Variants in GALNTL6 observed in about 807,000 individuals in gnomAD.
GALNTL6 encodes polypeptide N-acetylgalactosaminyltransferase-like 6.
Under a neutral mutation model 73.7 loss-of-function variants are expected in GALNTL6, and 46 were observed. The ratio of observed to expected loss-of-function variants is 0.62; its 90% CI spans 0.49 to 0.80. GALNTL6 has a LOEUF of 0.80. Ranked by LOEUF, GALNTL6 falls within the 30% of genes least tolerant of loss-of-function variation. GALNTL6 has a pLI of 0.00. For missense variants in GALNTL6, 604 were observed against 755.0 expected (o/e 0.80, Z 2.34); for synonymous variants, 259 against 263.7 (o/e 0.98, Z 0.17).
chr4:172,680,800 A>T (rs1732593158), intron 5 of GALNTL6, among the ~76,000 whole-genome samples: 1 of 152,196 alleles, frequency 6.6e-6, no homozygotes, highest in Admixed American at 6.5e-5. Context: ...CAGATATTTT[A>T]TGTCTAGCAT....
chr4:172,679,610 T>C (rs1052136090), intron 5 of GALNTL6, among the ~76,000 whole-genome samples: 1 of 152,202 alleles, frequency 6.6e-6, no homozygotes, highest in Non-Finnish European at 1.5e-5. Flanking sequence ...CTGTCTTAGA[T>C]GCTGACTTGT....
At chr4:172,582,191 G>A (rs533733502) in intron 5 of GALNTL6, among the ~76,000 whole-genome samples, 32 of 152,320 alleles carry the variant, frequency 2.1e-4, no homozygotes, top group Non-Finnish European at 4.4e-4. Flanking sequence ...GGGCTTGACC[G>A]TGGGGGAGCA....
rs1735913329 is a variant in GALNTL6 at position 171,864,223 on chromosome 4, GA to G, written c.138+49507del. On this transcript the variant is annotated intron_variant, in intron 2 of 12. Coordinates refer to ENST00000506823, the MANE Select transcript of GALNTL6 (RefSeq NM_001034845.3). ...TCTTTAAAGGAAATAATTATCTATA[GA>G]ATAACTTCTATGTTTATAACACAGA... 2.0e-5 allele frequency among the ~76,000 whole-genome samples: 3 copies of G among 152,026 alleles called. No homozygotes were observed. The South Asian group carries it at 6.2e-4, about 31-fold the overall frequency.
At chr4:172,038,991 G>T (rs1361952505) in intron 2 of GALNTL6, among the ~76,000 whole-genome samples, 1 of 152,100 alleles carries the variant, frequency 6.6e-6, no homozygotes, top group Non-Finnish European at 1.5e-5. Flanking sequence ...ATGCCACTGG[G>T]CTTGGTTATA....
chr4:172,768,750 T>C (rs747948075), intron 5 of GALNTL6, among the ~76,000 whole-genome samples: 3 of 152,162 alleles, frequency 2.0e-5, no homozygotes, highest in Non-Finnish European at 4.4e-5. Context: ...TCAAATCCAG[T>C]GCCATGGTGG....
intron 5 of GALNTL6, among the ~76,000 whole-genome samples, chr4:172,371,863 T>A (rs889141081): frequency 1.1e-4 from 16 of 152,240 alleles, no homozygotes; most frequent in Non-Finnish European, 2.4e-4. Flanking sequence ...CCTTGGGTTT[T>A]TGCACTGTGC....
At chr4:172,115,755 T>C (rs1051418696) in intron 2 of GALNTL6, among the ~76,000 whole-genome samples, 1 of 152,084 alleles carries the variant, frequency 6.6e-6, no homozygotes. Flanking sequence ...GAAGTAAATA[T>C]CTTAGAACAT....
intron 2 of GALNTL6, among the ~76,000 whole-genome samples, chr4:172,149,094 T>C (rs1369957033): frequency 6.6e-6 from 1 of 152,236 alleles, no homozygotes; most frequent in East Asian, 1.9e-4. Flanking sequence ...AGCATCAGTT[T>C]ATATTATTCT....
At chr4:172,966,312 G>A (rs1750322536) in intron 10 of GALNTL6, among the ~76,000 whole-genome samples, 1 of 152,244 alleles carries the variant, frequency 6.6e-6, no homozygotes, top group Non-Finnish European at 1.5e-5. Context: ...CCACAAGCTG[G>A]TGGACAAGAA....
intron 3 of GALNTL6, among the ~76,000 whole-genome samples, chr4:172,304,882 T>C (rs1431869172): frequency 1.3e-5 from 2 of 152,238 alleles, no homozygotes; most frequent in African/African-American, 2.4e-5. Flanking sequence ...CTTCTTCCAA[T>C]GTGAGCTGAA....
At chr4:172,115,137 CAA>C (rs1416917490) in intron 2 of GALNTL6, among the ~76,000 whole-genome samples, 1 of 152,126 alleles carries the variant, frequency 6.6e-6, no homozygotes, top group Admixed American at 6.6e-5. Context: ...AGGATCAACA[CAA>C]AGTTACCACT....
At chr4:173,019,749 T>C (rs137909015) in intron 11 of GALNTL6, among the ~76,000 whole-genome samples, 168 of 152,336 alleles carry the variant, frequency 1.1e-3, no homozygotes, top group African/African-American at 4.0e-3. Context: ...GCAGTGGCCA[T>C]GATTGAGAAG....
At chr4:172,157,403 T>G (rs188391289) in intron 2 of GALNTL6, among the ~76,000 whole-genome samples, 1 of 152,336 alleles carries the variant, frequency 6.6e-6, no homozygotes, top group African/African-American at 2.4e-5. Context: ...CACTTTTTCT[T>G]TCCTGCACTC....
chr4:172,933,243 C>T (rs1748440891), intron 9 of GALNTL6, among the ~76,000 whole-genome samples: 1 of 152,014 alleles, frequency 6.6e-6, no homozygotes, highest in South Asian at 2.1e-4. Context: ...ATATGCTCCC[C>T]TGCTTGTGCT....
intron 5 of GALNTL6, among the ~76,000 whole-genome samples, chr4:172,588,413 A>G (rs75832290): frequency 1.3e-5 from 2 of 151,882 alleles, no homozygotes; most frequent in East Asian, 3.9e-4. Context: ...GGCCAACATG[A>G]TGAAACCCTG....
chr4:171,862,975 A>C (rs1735875027), intron 2 of GALNTL6, among the ~76,000 whole-genome samples: 2 of 152,218 alleles, frequency 1.3e-5, no homozygotes, highest in African/African-American at 4.8e-5. Context: ...TATATTTGAC[A>C]ATAGAGATAT....
At chr4:172,754,162 A>G (rs1235997265) in intron 5 of GALNTL6, among the ~76,000 whole-genome samples, 1 of 152,206 alleles carries the variant, frequency 6.6e-6, no homozygotes, top group East Asian at 1.9e-4. Flanking sequence ...CTCCTTCCAT[A>G]TTCTTGATAT....
Position 172,311,756 on chromosome 4 carries a change from A to C in GALNTL6, c.386+4A>C, listed in dbSNP as rs1471221431. On this transcript the variant is annotated splice_donor_region_variant and intron_variant, in intron 4 of 12. Coordinates refer to ENST00000506823, the MANE Select transcript of GALNTL6 (RefSeq NM_001034845.3). The stretch of plus-strand genomic sequence containing the variant: ...TGCCAGATATTCGTCATGCTAAGTG[A>C]GTATCAGCATATCAGTGATCAGGGT... The C allele has an allele frequency of 3.2e-6, 5 of 1,576,940 alleles. No individual in the cohort carries two copies. Among genetic ancestry groups the C allele is most frequent in the Non-Finnish European group, 4.3e-6 (5 of 1,159,154 alleles).
chr4:171,936,575 G>C (rs1210488361), intron 2 of GALNTL6, among the ~76,000 whole-genome samples: 1 of 152,044 alleles, frequency 6.6e-6, no homozygotes, highest in Non-Finnish European at 1.5e-5. Context: ...AAATTACTTT[G>C]TGAAGCATTC....
Sources: gnomAD v4.1 joint callset for allele counts (sites outside exome capture counted in the v4.1 genomes callset) on GRCh38, gnomAD v4.1.1 for gene constraint, MANE v1.5 for transcripts, NCBI Gene and HGNC (gene_info 2026-07-23, HGNC 2026-07-21) for gene names.